PIK3AP1: variants seen among roughly 807,000 people sequenced by gnomAD.
The protein encoded by PIK3AP1 is phosphoinositide 3-kinase adapter protein 1.
Under a neutral mutation model 88.1 loss-of-function variants are expected in PIK3AP1, and 21 were observed. The ratio of observed to expected loss-of-function variants is 0.24; its 90% CI spans 0.17 to 0.34. PIK3AP1 has a LOEUF of 0.34. Among genes scored for constraint, PIK3AP1 ranks in the 10% least tolerant of loss-of-function variants. The probability of loss-of-function intolerance (pLI) is 1.00; values close to 1 mark genes in which losing one functional copy is unlikely to be tolerated. For synonymous variants in PIK3AP1, 398 were observed against 400.0 expected, an observed-to-expected ratio of 1.00 and a Z score of 0.06; for missense variants, 828 against 1,035.7, an observed-to-expected ratio of 0.80 and a Z score of 2.75.
At chr10:96,617,913 C>T (rs1227946807) in intron 12 of PIK3AP1, among the ~76,000 whole-genome samples, 3 of 152,146 alleles carry the variant, frequency 2.0e-5, no homozygotes, top group Non-Finnish European at 4.4e-5. Flanking sequence ...GAACTGGAGA[C>T]ACAGACTGCA....
Position 96,604,139 on chromosome 10 carries a change from T to C in PIK3AP1, c.2171-90A>G, listed in dbSNP as rs1848959034. The C allele has an allele frequency of 3.7e-6, 4 of 1,080,074 alleles. No individual in the cohort carries two copies. The Admixed American group carries it at 1.1e-4, about 29-fold the overall frequency. 66.9% of individuals were successfully genotyped at this position (1,080,074 alleles called of 1,614,324 possible). A position where few individuals can be genotyped will look rare whatever the true frequency, so the allele number is the denominator to read the frequency against. On this transcript the variant is annotated intron_variant, in intron 14 of 16. Coordinates refer to ENST00000339364, the MANE Select transcript of PIK3AP1 (RefSeq NM_152309.3). ...TCTAGAACTTATTTAGTTTTATTGA[T>C]ATAAATAATACATAAGCTGTAAGTA...
intron 14 of PIK3AP1, among the ~76,000 whole-genome samples, chr10:96,609,002 C>T (rs1439645556): frequency 6.6e-6 from 1 of 152,200 alleles, no homozygotes; most frequent in East Asian, 1.9e-4. Flanking sequence ...GAACAAAGCC[C>T]TCGGCTCCTG....
intron 2 of PIK3AP1, among the ~76,000 whole-genome samples, chr10:96,698,022 T>C (rs1370371063): frequency 1.3e-5 from 2 of 152,220 alleles, no homozygotes; most frequent in Non-Finnish European, 2.9e-5. Flanking sequence ...TGGTTCTCTC[T>C]GAGGTCTGGA....
chr10:96,664,293 T>C (rs2134246986), intron 2 of PIK3AP1, among the ~76,000 whole-genome samples: 1 of 152,336 alleles, frequency 6.6e-6, no homozygotes, highest in East Asian at 1.9e-4. Context: ...ATATCTCAGA[T>C]GCTGCAGGAT....
At chr10:96,692,787 A>C (rs1844171536) in intron 2 of PIK3AP1, among the ~76,000 whole-genome samples, 1 of 152,236 alleles carries the variant, frequency 6.6e-6, no homozygotes, top group Non-Finnish European at 1.5e-5. Context: ...TTATAATCAA[A>C]ACTGTGTTAA....
chr10:96,654,216 C>T (rs1364215751), intron 3 of PIK3AP1, among the ~76,000 whole-genome samples: 1 of 149,542 alleles, frequency 6.7e-6, no homozygotes, highest in Admixed American at 6.8e-5. Context: ...TTTAAGATCT[C>T]ACACTAAGCC....
chr10:96,697,901 C>A (rs930154530), intron 2 of PIK3AP1, among the ~76,000 whole-genome samples: 1 of 152,178 alleles, frequency 6.6e-6, no homozygotes, highest in African/African-American at 2.4e-5. Flanking sequence ...AAATATATTT[C>A]TTTTTAAAAC....
chr10:96,628,891 T>TATATATACACACACACAC (rs1564961249), intron 8 of PIK3AP1, among the ~76,000 whole-genome samples: 2 of 36,182 alleles, frequency 5.5e-5, no homozygotes, highest in African/African-American at 2.5e-4. Flanking sequence ...TATATATACA[T>TATATATACACACACACAC]ATATATATAT....
At chr10:96,707,985 G>A (rs1460448101) in intron 2 of PIK3AP1, among the ~76,000 whole-genome samples, 1 of 152,150 alleles carries the variant, frequency 6.6e-6, no homozygotes, top group African/African-American at 2.4e-5. Context: ...AAAAGACGTG[G>A]TCATGTTTAT....
At chr10:96,700,227 G>A (rs1184158537) in intron 2 of PIK3AP1, among the ~76,000 whole-genome samples, 1 of 152,220 alleles carries the variant, frequency 6.6e-6, no homozygotes, top group African/African-American at 2.4e-5. Flanking sequence ...CCCTCTCTGG[G>A]TGGCCGCCGA....
At chr10:96,616,508 C>T in intron 13 of PIK3AP1, 131 bp downstream of exon 13, 1 of 910,986 alleles carries the variant, frequency 1.1e-6, no homozygotes, top group Non-Finnish European at 1.8e-6. Context: ...AGTGGGGGAC[C>T]CAGATCTGTA....
At chr10:96,650,957 A>C (rs1843528819) in intron 6 of PIK3AP1, among the ~76,000 whole-genome samples, 1 of 152,256 alleles carries the variant, frequency 6.6e-6, no homozygotes, top group African/African-American at 2.4e-5. Flanking sequence ...CCCTATGAGG[A>C]ATAATCATAA....
intron 13 of PIK3AP1, among the ~76,000 whole-genome samples, chr10:96,613,267 G>A (rs1428185119): frequency 2.0e-5 from 3 of 151,866 alleles, no homozygotes; most frequent in Non-Finnish European, 4.4e-5. Context: ...CCAAAGTGCC[G>A]GGATTACAGG....
intron 7 of PIK3AP1, 118 bp from the exon 8 acceptor site, chr10:96,645,780 A>T: frequency 2.5e-6 from 2 of 807,730 alleles, no homozygotes; most frequent in South Asian, 3.7e-5. Context: ...CAGGATTACA[A>T]CTGGTTGTGT....
chr10:96,628,887 T>TATACACACAC lies in PIK3AP1; in HGVS notation c.1376-395_1376-394insGTGTGTGTAT, dbSNP rs1564961201. 1.6e-3 allele frequency among the ~76,000 whole-genome samples: 67 copies of TATACACACAC among 40,960 alleles called. 1 individual carries two copies. Among genetic ancestry groups the TATACACACAC allele is most frequent in the African/African-American group, 6.1e-3 (65 of 10,588 alleles). 26.9% of individuals were successfully genotyped at this position (40,960 alleles called of 152,430 possible). On this transcript the variant is annotated intron_variant, in intron 8 of 16. Transcript: ENST00000339364. ...ACACATATATACACATATATATATA[T>TATACACACAC]ACATATATATATATATATATGTGTA...
In PIK3AP1 at chr10:96,629,873, G is replaced by A. The variant is rs536991814; in HGVS notation, c.1376-1380C>T. ...CATGCCACTGCACTCCAGCCGGGGC[G>A]ATAGAGCAAGACCCTGTCTCAATAA... On this transcript the variant is annotated intron_variant, in intron 8 of 16. Transcript: ENST00000339364. Among the ~76,000 whole-genome samples the A allele has an allele frequency of 2.6e-4, 29 of 112,070 alleles. No individual in the cohort carries two copies. In the South Asian group the frequency reaches 8.0e-3, roughly 31 times the overall value. 73.5% of individuals were successfully genotyped at this position (112,070 alleles called of 152,430 possible).
chr10:96,625,965 C>G (rs1843149402), intron 10 of PIK3AP1, among the ~76,000 whole-genome samples: 1 of 152,158 alleles, frequency 6.6e-6, no homozygotes, highest in Non-Finnish European at 1.5e-5. Context: ...TCAGGCCAGT[C>G]TCAAACTCCT....
chr10:96,703,254 T>C (rs1359516546), intron 2 of PIK3AP1, among the ~76,000 whole-genome samples: 1 of 152,160 alleles, frequency 6.6e-6, no homozygotes, highest in Non-Finnish European at 1.5e-5. Context: ...CAGATGTAGA[T>C]ATATAGACAT....
chr10:96,598,078 C>T (rs1848812911), intron 16 of PIK3AP1, among the ~76,000 whole-genome samples: 1 of 138,032 alleles, frequency 7.2e-6, no homozygotes, highest in Non-Finnish European at 1.5e-5. Flanking sequence ...TGGACTCACT[C>T]TGTCATCCAG....
Sources: allele counts gnomAD v4.1 joint callset (sites outside exome capture counted in the v4.1 genomes callset), GRCh38; gene constraint gnomAD v4.1.1; transcripts MANE v1.5; gene names NCBI Gene and HGNC (gene_info 2026-07-23, HGNC 2026-07-21).